MPDZ: variants seen among roughly 807,000 people sequenced by gnomAD.
MPDZ encodes the protein multiple PDZ domain crumbs cell polarity complex component.
Under a neutral mutation model 239.1 loss-of-function variants are expected in MPDZ, and 234 were observed. The observed-to-expected ratio is 0.98, with a 90% CI of 0.88 to 1.09. The LOEUF is 1.09. Among genes scored for constraint, MPDZ ranks in the 50% least tolerant of loss-of-function variants. The probability of loss-of-function intolerance (pLI) is 0.00; values close to 1 mark genes in which losing one functional copy is unlikely to be tolerated. For missense variants in MPDZ, 3,175 were observed against 2,510.0 expected, an observed-to-expected ratio of 1.26 and a Z score of -5.66; for synonymous variants, 1,048 against 881.3, an observed-to-expected ratio of 1.19 and a Z score of -3.35.
At chr9:13,179,109 A>G (rs967486626) in intron 19 of MPDZ, among the ~76,000 whole-genome samples, 3 of 152,142 alleles carry the variant, frequency 2.0e-5, no homozygotes, top group African/African-American at 7.2e-5. Flanking sequence ...TATTCCTAGT[A>G]CAAAGAATTG....
chr9:13,220,731 T>C (rs1355629001), intron 7 of MPDZ, among the ~76,000 whole-genome samples: 2 of 152,058 alleles, frequency 1.3e-5, no homozygotes, highest in African/African-American at 4.8e-5. Context: ...CAAACACACA[T>C]GTATAAACAA....
intron 3 of MPDZ, among the ~76,000 whole-genome samples, chr9:13,227,679 G>C (rs955362326): frequency 5.3e-5 from 8 of 152,040 alleles, no homozygotes; most frequent in East Asian, 1.9e-4. Context: ...AAGTGAGTGA[G>C]AGCAGAACAA....
rs1279043046 is a variant in MPDZ at position 13,249,008 on chromosome 9, A to AAAAAAAAAAAAAAAAAAAAAAAAC, written c.17-1208_17-1207insGTTTTTTTTTTTTTTTTTTTTTTT. 2.4e-5 allele frequency among the ~76,000 whole-genome samples: 3 copies of AAAAAAAAAAAAAAAAAAAAAAAAC among 125,254 alleles called. 1 individual carries two copies. Among genetic ancestry groups the AAAAAAAAAAAAAAAAAAAAAAAAC allele is most frequent in the Non-Finnish European group, 5.1e-5 (3 of 58,352 alleles). 82.2% of individuals were successfully genotyped at this position (125,254 alleles called of 152,430 possible). A position where few individuals can be genotyped will look rare whatever the true frequency, so the allele number is the denominator to read the frequency against. On this transcript the variant is annotated intron_variant, in intron 2 of 46. Transcript: ENST00000319217. ...AAAAAAAAAAAAAAAAAAAAAAAAA[A>AAAAAAAAAAAAAAAAAAAAAAAAC]ATTGGAATCATCACCAGAGATACTT...
At chr9:13,202,810 T>C (rs1028715524) in intron 12 of MPDZ, among the ~76,000 whole-genome samples, 3 of 152,218 alleles carry the variant, frequency 2.0e-5, no homozygotes, top group African/African-American at 4.8e-5. Context: ...TTATCAGTCA[T>C]GGCTCCTCTC....
chr9:13,155,269 C>T (rs968878492), intron 24 of MPDZ, among the ~76,000 whole-genome samples: 1 of 152,090 alleles, frequency 6.6e-6, no homozygotes, highest in African/African-American at 2.4e-5. Flanking sequence ...AATTTGACAA[C>T]TGAAAGTAAA....
intron 30 of MPDZ, 138 bp from the exon 31 acceptor site, chr9:13,136,320 GTTTTCTTTTTTTTTTTT>G (rs938298728): frequency 3.1e-5 from 6 of 194,650 alleles, no homozygotes; most frequent in African/African-American, 1.3e-4. Flanking sequence ...ATTTACAAAC[GTTTTCTTTTTTTTTTTT>G]TTTTTTTTTT....
intron 10 of MPDZ, among the ~76,000 whole-genome samples, chr9:13,210,155 C>A (rs1957452067): frequency 1.3e-5 from 2 of 151,262 alleles, no homozygotes; most frequent in Non-Finnish European, 1.5e-5. Flanking sequence ...GATCTACCAG[C>A]CTCTAGGCAG....
At chr9:13,121,996 G>T in intron 37 of MPDZ, 64 bp from the exon 38 acceptor site, 1 of 1,595,510 alleles carries the variant, frequency 6.3e-7, no homozygotes, top group South Asian at 1.1e-5. Context: ...AGGTGGGGAA[G>T]GGAAGAGAGA....
intron 3 of MPDZ, among the ~76,000 whole-genome samples, chr9:13,241,553 A>G (rs1284599262): frequency 1.3e-5 from 2 of 152,180 alleles, no homozygotes; most frequent in Admixed American, 6.5e-5. Context: ...TTCGGTCTCA[A>G]ATTAGAAACT....
chr9:13,222,683 T>G (rs1053612548), intron 5 of MPDZ, among the ~76,000 whole-genome samples: 2 of 152,120 alleles, frequency 1.3e-5, no homozygotes, highest in Non-Finnish European at 2.9e-5. Flanking sequence ...GTACTCTTTA[T>G]TTCAGCTACC....
intron 18 of MPDZ, 73 bp from the exon 19 acceptor site, chr9:13,183,658 A>G: frequency 7.1e-7 from 1 of 1,411,514 alleles, no homozygotes; most frequent in Non-Finnish European, 9.9e-7. Flanking sequence ...TCCACTTGAG[A>G]CTAAAAGGCA....
At position 13,136,124 on chromosome 9, in the gene MPDZ, G is replaced by C. The variant is rs371422986; in HGVS notation, c.4351C>G (p.Pro1451Ala). 8 of 1,612,432 alleles carry C rather than the reference G, an allele frequency of 5.0e-6. No individual in the cohort carries two copies. Among genetic ancestry groups the C allele is most frequent in the Non-Finnish European group, 6.8e-6 (8 of 1,179,112 alleles). ...VCPGNAVEPLPSNSENLQNKE... is the reference protein window; with the variant it reads ...VCPGNAVEPLASNSENLQNKE... The stretch of plus-strand genomic sequence containing the variant: ...TTTTGAAGATTTTCTGAGTTAGAAG[G>C]CAAAGGTTCTACTGCATTTCCAGGA... Residue 1451 changes from proline (P) to alanine (A), a missense_variant, in exon 31 of 47, where the codon CCT becomes GCT. Coordinates refer to ENST00000319217, the MANE Select transcript of MPDZ (RefSeq NM_001378778.1).
intron 12 of MPDZ, among the ~76,000 whole-genome samples, chr9:13,199,586 TAGAGA>T (rs750223194): frequency 2.0e-5 from 3 of 152,044 alleles, no homozygotes; most frequent in Non-Finnish European, 4.4e-5. Flanking sequence ...TTCCAGATCT[TAGAGA>T]AAAGTCTTTG....
At chr9:13,246,450 A>G (rs959179269) in intron 3 of MPDZ, among the ~76,000 whole-genome samples, 1 of 152,212 alleles carries the variant, frequency 6.6e-6, no homozygotes, top group Non-Finnish European at 1.5e-5. Flanking sequence ...TCAAAAAAAT[A>G]AAAATAAATA....
intron 24 of MPDZ, among the ~76,000 whole-genome samples, chr9:13,153,685 T>C (rs994282743): frequency 6.6e-6 from 1 of 152,062 alleles, no homozygotes; most frequent in Non-Finnish European, 1.5e-5. Context: ...GGCAAATGAG[T>C]TAGTAAGTTT....
At chr9:13,254,188 T>C (rs986635136) in intron 1 of MPDZ, among the ~76,000 whole-genome samples, 5 of 152,216 alleles carry the variant, frequency 3.3e-5, no homozygotes, top group African/African-American at 1.2e-4. Flanking sequence ...TTGTAGATAG[T>C]CAAATTAGCC....
chr9:13,141,284 T>C (rs1947630488), intron 27 of MPDZ, among the ~76,000 whole-genome samples: 1 of 152,172 alleles, frequency 6.6e-6, no homozygotes, highest in Non-Finnish European at 1.5e-5. Flanking sequence ...TGAATAAACC[T>C]TTGGAACCTG....
chr9:13,136,325 C>CTTTTTTTTTT lies in MPDZ; in HGVS notation c.4293-153_4293-144dup, dbSNP rs869272418. 2.7e-3 allele frequency: 420 copies of CTTTTTTTTTT among 156,654 alleles called. 36 individuals carry two copies. The highest frequency in any genetic ancestry group is 9.3e-3 in the African/African-American group (150 of 16,154). 9.7% of individuals were successfully genotyped at this position (156,654 alleles called of 1,614,324 possible). A position where few individuals can be genotyped will look rare whatever the true frequency, so the allele number is the denominator to read the frequency against. Reference sequence around the variant, plus strand: ...ACACTTACAAATTTACAAACGTTTTCTTTTTTTTTTTTTTTTTTTTTTTTG... The same window carrying CTTTTTTTTTT: ...ACACTTACAAATTTACAAACGTTTTCTTTTTTTTTTTTTTTTTTTTTTTTTTTTTTTTTTG... On this transcript the variant is annotated intron_variant, in intron 30 of 46. Coordinates refer to ENST00000319217, the MANE Select transcript of MPDZ (RefSeq NM_001378778.1).
chr9:13,206,472 T>C (rs1957006654), intron 10 of MPDZ, among the ~76,000 whole-genome samples: 1 of 152,002 alleles, frequency 6.6e-6, no homozygotes, highest in Non-Finnish European at 1.5e-5. Flanking sequence ...TCCTTCAATC[T>C]TAACCTCCTA....
Sources: gnomAD v4.1 joint callset for allele counts (sites outside exome capture counted in the v4.1 genomes callset) on GRCh38, gnomAD v4.1.1 for gene constraint, MANE v1.5 for transcripts, NCBI Gene and HGNC (gene_info 2026-07-23, HGNC 2026-07-21) for gene names.